Variants in TNFRSF8 observed in about 807,000 individuals in gnomAD.
The protein encoded by TNFRSF8 is tumor necrosis factor receptor superfamily member 8.
TNFRSF8 carries 26 observed loss-of-function variants against 70.8 expected under a neutral mutation model. The ratio of observed to expected loss-of-function variants is 0.37; its 90% CI spans 0.27 to 0.51. The LOEUF is 0.51. TNFRSF8 is among the 20% of genes least tolerant of loss of function. The probability of loss-of-function intolerance (pLI) is 0.94; values close to 1 mark genes in which losing one functional copy is unlikely to be tolerated. For synonymous variants in TNFRSF8, 356 were observed against 339.2 expected (o/e 1.05, Z -0.54); for missense variants, 720 against 807.9 (o/e 0.89, Z 1.32).
intron 2 of TNFRSF8, among the ~76,000 whole-genome samples, chr1:12,092,502 T>A (rs1428302697): frequency 1.3e-5 from 2 of 148,632 alleles, no homozygotes; most frequent in African/African-American, 5.0e-5. Context: ...TCTTTTATTT[T>A]TCTTGTCTTT....
In TNFRSF8 at chr1:12,142,763, C is replaced by A; in HGVS notation, c.*232C>A. The A allele has an allele frequency of 1.8e-6, 1 of 570,324 alleles. No individual in the cohort carries two copies. The highest frequency in any genetic ancestry group is 3.1e-6 in the Non-Finnish European group (1 of 325,924). The allele number at this position is 570,324 out of a possible 1,614,324, so 35.3% of individuals were successfully genotyped here. A position where few individuals can be genotyped will look rare whatever the true frequency, so the allele number is the denominator to read the frequency against. ...GGATCCGGGGCTTGTACAGAAGAGA[C>A]AGTCCAAGGGGACTGGATCCCAGCA... is the stretch of plus-strand genomic sequence containing the variant. On this transcript the variant is annotated 3_prime_UTR_variant, in exon 15 of 15. Transcript: ENST00000263932. This position sits in a 1 kb window ranked among gnomAD's most constrained non-coding sequence, Gnocchi z 5.0.
Position 12,104,535 on chromosome 1 carries a change from A to G in TNFRSF8, c.421+4A>G, listed in dbSNP as rs1249105743. On this transcript the variant is annotated splice_donor_region_variant and intron_variant, in intron 4 of 14. Transcript: ENST00000263932. ...GGGATGATTGTCAAGTTCCCAGGTC[A>G]GTGTCCCCACCCTTAACTCAGGACA... 6.2e-7 allele frequency: 1 copy of G among 1,614,138 alleles called. No individual in the cohort carries two copies. Among genetic ancestry groups the G allele is most frequent in the Admixed American group, 1.7e-5 (1 of 60,004 alleles).
intron 1 of TNFRSF8, among the ~76,000 whole-genome samples, chr1:12,077,279 A>G (rs1044879939): frequency 2.6e-5 from 4 of 152,226 alleles, no homozygotes; most frequent in Non-Finnish European, 2.9e-5. Flanking sequence ...TGAGACAGGA[A>G]GATGATCCTG....
At chr1:12,094,999 C>T (rs1420786508) in intron 2 of TNFRSF8, among the ~76,000 whole-genome samples, 2 of 151,970 alleles carry the variant, frequency 1.3e-5, no homozygotes, top group Non-Finnish European at 2.9e-5. Flanking sequence ...TCCATGGACT[C>T]AAAGGTAGAT....
Position 12,084,853 on chromosome 1 carries a change from C to G in TNFRSF8, c.151+302C>G, listed in dbSNP as rs890199125. 2.0e-5 allele frequency among the ~76,000 whole-genome samples: 3 copies of G among 152,166 alleles called. No homozygotes were observed. The East Asian group carries it at 5.8e-4, about 29-fold the overall frequency. On this transcript the variant is annotated intron_variant, in intron 2 of 14. Coordinates refer to ENST00000263932, the MANE Select transcript of TNFRSF8 (RefSeq NM_001243.5). ...TCCATGAGTCCGAGACCTTTATATG[C>G]ACGGCATCATCTCATTAAGTGCTTG...
intron 1 of TNFRSF8, among the ~76,000 whole-genome samples, chr1:12,081,136 C>T (rs148860785): frequency 6.6e-6 from 1 of 152,320 alleles, no homozygotes; most frequent in Non-Finnish European, 1.5e-5. Flanking sequence ...CCATTCTCTG[C>T]ACCCCCTACC....
At chr1:12,091,990 C>T (rs1023797767) in intron 2 of TNFRSF8, among the ~76,000 whole-genome samples, 9 of 152,034 alleles carry the variant, frequency 5.9e-5, no homozygotes, top group Non-Finnish European at 1.0e-4. Context: ...GCTCGCTCAC[C>T]GTCACTCACC....
At chr1:12,073,321 C>A (rs369458354) in intron 1 of TNFRSF8, among the ~76,000 whole-genome samples, 1 of 152,164 alleles carries the variant, frequency 6.6e-6, no homozygotes, top group Non-Finnish European at 1.5e-5. Context: ...GAGCAACTGG[C>A]CTGAGGCTGG....
intron 1 of TNFRSF8, among the ~76,000 whole-genome samples, chr1:12,081,294 G>A (rs760837944): frequency 7.2e-5 from 11 of 152,006 alleles, no homozygotes; most frequent in East Asian, 1.9e-4. Context: ...CAGGCAGGCC[G>A]GGAGGGGAGA....
intron 10 of TNFRSF8, among the ~76,000 whole-genome samples, chr1:12,125,614 C>T (rs1641923382): frequency 1.3e-5 from 2 of 152,224 alleles, no homozygotes; most frequent in African/African-American, 4.8e-5. Flanking sequence ...CCGGCCACAC[C>T]AGCAGTGCTG....
At position 12,118,309 on chromosome 1, in the gene TNFRSF8, C is replaced by T. The variant is rs550841604; in HGVS notation, c.946+2580C>T. On this transcript the variant is annotated intron_variant, in intron 8 of 14. Coordinates refer to ENST00000263932, the MANE Select transcript of TNFRSF8 (RefSeq NM_001243.5). ...TATTTTTAGTAGAGACGGGGTTTCACCACATTGGTCAGGCTGGTCTCGAAC... is the reference window on the plus strand; with the variant it reads ...TATTTTTAGTAGAGACGGGGTTTCATCACATTGGTCAGGCTGGTCTCGAAC... Among the ~76,000 whole-genome samples the T allele has an allele frequency of 2.0e-5, 3 of 152,250 alleles. No individual in the cohort carries two copies. In the East Asian group the frequency reaches 5.8e-4, roughly 29 times the overall value.
At chr1:12,072,295 G>A (rs1640861456) in intron 1 of TNFRSF8, among the ~76,000 whole-genome samples, 1 of 152,224 alleles carries the variant, frequency 6.6e-6, no homozygotes, top group Non-Finnish European at 1.5e-5. Flanking sequence ...TACAGCCATG[G>A]AGATGAACCA....
rs1642020294 is a variant in TNFRSF8 at position 12,130,063 on chromosome 1, T to C, written c.1309+3827T>C. Among the ~76,000 whole-genome samples the C allele has an allele frequency of 2.6e-5, 4 of 152,190 alleles. 1 individual carries two copies. In the South Asian group the frequency reaches 8.3e-4, roughly 32 times the overall value. On this transcript the variant is annotated intron_variant, in intron 12 of 14. Coordinates refer to ENST00000263932, the MANE Select transcript of TNFRSF8 (RefSeq NM_001243.5). ...GGGATTACAGGCGTGTGCCACACAA[T>C]GCCTGGCTCATTTTTTGTATTTTCA...
Position 12,110,208 on chromosome 1 carries a change from A to T in TNFRSF8, c.676+4A>T, listed in dbSNP as rs755999139. 1 of 1,575,322 alleles carries T rather than the reference A, an allele frequency of 6.3e-7. No homozygotes were observed. The highest frequency in any genetic ancestry group is 8.6e-7 in the Non-Finnish European group (1 of 1,158,396). The stretch of plus-strand genomic sequence containing the variant: ...GGAAGGCCTAGTTCAGATCCAGGTA[A>T]TTTCCCCATGAAGCTGTGGGTCGTC... On this transcript the variant is annotated splice_donor_region_variant and intron_variant, in intron 6 of 14. Transcript: ENST00000263932. The surrounding 1 kb of genome is among the most constrained non-coding windows in gnomAD (Gnocchi z 4.0).
At chr1:12,116,172 G>C (rs1003605407) in intron 8 of TNFRSF8, among the ~76,000 whole-genome samples, 1 of 151,878 alleles carries the variant, frequency 6.6e-6, no homozygotes, top group Non-Finnish European at 1.5e-5. Context: ...GAAGAGATGC[G>C]GTTTCTCCAT....
At chr1:12,089,108 G>A (rs1444432012) in intron 2 of TNFRSF8, among the ~76,000 whole-genome samples, 1 of 151,980 alleles carries the variant, frequency 6.6e-6, no homozygotes, top group Non-Finnish European at 1.5e-5. Context: ...AAAAAAAAGA[G>A]AAATAAACAT....
rs139967437 is a variant in TNFRSF8, at chr1:12,104,441, G to A, written c.331G>A (p.Gly111Ser). The A allele has an allele frequency of 6.2e-6, 10 of 1,614,090 alleles. No individual in the cohort carries two copies. Among genetic ancestry groups the A allele is most frequent in the African/African-American group, 1.3e-5 (1 of 74,998 alleles). Reference protein sequence around the residue: ...NSSRVCECRPGMFCSTSAVNS... With the variant: ...NSSRVCECRPSMFCSTSAVNS... ...CTCCCGTGTCTGCGAATGTCGACCC[G>A]GCATGTTCTGTTCCACGTCTGCCGT... The change falls in exon 4 of 15, where the codon GGC becomes AGC. Residue 111 changes from glycine (G) to serine (S), a missense_variant. By Grantham distance (56) the Gly-to-Ser change is moderately conservative. Coordinates refer to ENST00000263932, the MANE Select transcript of TNFRSF8 (RefSeq NM_001243.5).
intron 12 of TNFRSF8, among the ~76,000 whole-genome samples, chr1:12,126,641 C>T (rs980102133): frequency 6.6e-6 from 1 of 152,174 alleles, no homozygotes; most frequent in African/African-American, 2.4e-5. Flanking sequence ...CTCTCTCCCC[C>T]TCTTCTACCA....
intron 4 of TNFRSF8, 148 bp downstream of exon 4, chr1:12,104,679 T>A (rs890012651): frequency 1.9e-5 from 19 of 1,019,594 alleles, no homozygotes; most frequent in Non-Finnish European, 2.7e-5. Context: ...GGGCCAGGGA[T>A]GTACCCAGCA....
Sources: gnomAD v4.1 joint callset for allele counts (sites outside exome capture counted in the v4.1 genomes callset) on GRCh38, gnomAD v4.1.1 for gene constraint, Gnocchi (gnomAD v3.1) non-coding constraint, MANE v1.5 for transcripts, NCBI Gene and HGNC (gene_info 2026-07-23, HGNC 2026-07-21) for gene names.